The following RBFOX1 variants were observed in gnomAD, a reference collection of about 807,000 sequenced individuals.
RBFOX1 encodes RNA binding protein fox-1 homolog 1.
A neutral mutation model predicts 57.7 loss-of-function variants in RBFOX1; 8 were observed. That is an observed-to-expected ratio of 0.14 (90% CI 0.08 to 0.25). The LOEUF (loss-of-function observed/expected upper bound fraction) is 0.25. RBFOX1 is among the 10% of genes least tolerant of loss of function. The pLI is 1.00. For synonymous variants in RBFOX1, 326 were observed against 222.4 expected, an observed-to-expected ratio of 1.47 and a Z score of -4.15; for missense variants, 611 against 548.5, an observed-to-expected ratio of 1.11 and a Z score of -1.14.
chr16:7,276,035 G>T (rs2095433501), intron 4 of RBFOX1, among the ~76,000 whole-genome samples: 1 of 152,164 alleles, frequency 6.6e-6, no homozygotes, highest in Non-Finnish European at 1.5e-5. Flanking sequence ...ACATGATAGA[G>T]ATCATTTCTG....
chr16:5,735,463 G>C (rs1157941351), intron 3 of RBFOX1, among the ~76,000 whole-genome samples: 1 of 152,216 alleles, frequency 6.6e-6, no homozygotes, highest in Non-Finnish European at 1.5e-5. Flanking sequence ...CAAGGCTGTT[G>C]AGGACATCTG....
chr16:5,316,109 C>T (rs1004016217), intron 1 of RBFOX1, among the ~76,000 whole-genome samples: 1 of 152,258 alleles, frequency 6.6e-6, no homozygotes, highest in African/African-American at 2.4e-5. Context: ...ACTCCCCTGC[C>T]ACAGGGCCTT....
At chr16:7,452,325 G>A (rs573216757) in intron 4 of RBFOX1, among the ~76,000 whole-genome samples, 11 of 152,172 alleles carry the variant, frequency 7.2e-5, no homozygotes, top group African/African-American at 9.7e-5. Context: ...GAGTCAGCCC[G>A]CGTTAGCGTG....
At chr16:5,745,197 T>C (rs368984599) in intron 3 of RBFOX1, among the ~76,000 whole-genome samples, 1 of 152,158 alleles carries the variant, frequency 6.6e-6, no homozygotes, top group African/African-American at 2.4e-5. Flanking sequence ...CAGTGTTTGG[T>C]TTTTTGTCCT....
chr16:7,543,715 GTGTGTT>G (rs1327929148), intron 5 of RBFOX1, among the ~76,000 whole-genome samples: 13 of 68,450 alleles, frequency 1.9e-4, no homozygotes, highest in African/African-American at 6.6e-4. Flanking sequence ...GTGTGTGTGT[GTGTGTT>G]TATTTTTTAT....
At chr16:6,643,022 A>G (rs1233221419) in intron 2 of RBFOX1, among the ~76,000 whole-genome samples, 10 of 152,156 alleles carry the variant, frequency 6.6e-5, no homozygotes, top group South Asian at 4.1e-4. Flanking sequence ...GACTTTTCGG[A>G]ATATTCTTTG....
chr16:5,577,849 A>G (rs946569786), intron 2 of RBFOX1, among the ~76,000 whole-genome samples: 2 of 152,242 alleles, frequency 1.3e-5, no homozygotes, highest in Admixed American at 1.3e-4. Flanking sequence ...TCAAAGGTTG[A>G]TTTCTTTTGG....
chr16:7,536,660 TAGGAC>T (rs2081546217), intron 5 of RBFOX1, among the ~76,000 whole-genome samples: 1 of 152,108 alleles, frequency 6.6e-6, no homozygotes, highest in African/African-American at 2.4e-5. Context: ...ATGTCCTGGG[TAGGAC>T]AGACAGCAGA....
At chr16:7,630,201 G>A (rs1384881246) in intron 10 of RBFOX1, among the ~76,000 whole-genome samples, 2 of 152,052 alleles carry the variant, frequency 1.3e-5, no homozygotes, top group South Asian at 2.1e-4. Context: ...GAAACACTGA[G>A]GCACAGAGAG....
intron 3 of RBFOX1, among the ~76,000 whole-genome samples, chr16:5,753,537 C>T (rs529715147): frequency 1.5e-4 from 23 of 152,284 alleles, no homozygotes; most frequent in Admixed American, 3.3e-4. Context: ...GTCTATAGGA[C>T]CTCTCCTCCA....
chr16:6,216,063 A>C (rs1420162978), intron 1 of RBFOX1, among the ~76,000 whole-genome samples: 1 of 152,286 alleles, frequency 6.6e-6, no homozygotes, highest in Non-Finnish European at 1.5e-5. Flanking sequence ...CTCGCTTGTA[A>C]GAGAGAGTTA....
chr16:5,528,975 C>G (rs185297998), intron 2 of RBFOX1, among the ~76,000 whole-genome samples: 1 of 151,986 alleles, frequency 6.6e-6, no homozygotes, highest in Non-Finnish European at 1.5e-5. Context: ...TTCTATTACT[C>G]ATAAACCTGA....
At chr16:5,583,287 G>A (rs1206745158) in intron 2 of RBFOX1, among the ~76,000 whole-genome samples, 1 of 152,182 alleles carries the variant, frequency 6.6e-6, no homozygotes, top group East Asian at 1.9e-4. Context: ...AGTTCTTGGG[G>A]ACAAACCGTA....
chr16:6,583,246 G>A (rs574728989), intron 2 of RBFOX1, among the ~76,000 whole-genome samples: 39 of 152,286 alleles, frequency 2.6e-4, no homozygotes, highest in South Asian at 1.4e-3. Flanking sequence ...GGGGCACATG[G>A]CACTCATTGG....
rs1315267966 is a variant in RBFOX1, at chr16:5,896,906, C to G, written c.351+29571C>G. On this transcript the variant is annotated intron_variant, in intron 4 of 19. Transcript: ENST00000641259. ...TTTTCTTCTGCTTTTGAGCAGCTGC[C>G]AAAATCTCTCACCTTTGTCTCTCCA... 2.0e-5 allele frequency among the ~76,000 whole-genome samples: 3 copies of G among 151,788 alleles called. No homozygotes were observed. In the South Asian group the frequency reaches 6.2e-4, roughly 32 times the overall value.
At chr16:5,496,245 C>T (rs535173135) in intron 2 of RBFOX1, among the ~76,000 whole-genome samples, 5 of 152,310 alleles carry the variant, frequency 3.3e-5, no homozygotes, top group Admixed American at 6.5e-5. Flanking sequence ...ATTCCCTTTG[C>T]AATAAATCTC....
intron 4 of RBFOX1, among the ~76,000 whole-genome samples, chr16:7,340,955 G>A (rs910403437): frequency 6.6e-6 from 1 of 152,180 alleles, no homozygotes; most frequent in Non-Finnish European, 1.5e-5. Flanking sequence ...GCACAGGGCA[G>A]GGAGGGTTGG....
At chr16:6,526,401 CAA>C (rs2096578214) in intron 2 of RBFOX1, among the ~76,000 whole-genome samples, 2 of 152,274 alleles carry the variant, frequency 1.3e-5, no homozygotes, top group African/African-American at 4.8e-5. Flanking sequence ...AATCATCAAT[CAA>C]GAGATTCTGC....
chr16:5,877,856 C>A (rs1487074318), intron 4 of RBFOX1, among the ~76,000 whole-genome samples: 1 of 152,162 alleles, frequency 6.6e-6, no homozygotes, highest in African/African-American at 2.4e-5. Context: ...CTGGGTGTTC[C>A]CATGGTGATG....
Sources: gnomAD v4.1 joint callset for allele counts (sites outside exome capture counted in the v4.1 genomes callset) on GRCh38, gnomAD v4.1.1 for gene constraint, MANE v1.5 for transcripts, NCBI Gene and HGNC (gene_info 2026-07-23, HGNC 2026-07-21) for gene names.